SMCO4: variants seen among roughly 807,000 people sequenced by gnomAD.
SMCO4 encodes the protein single-pass membrane and coiled-coil domain-containing protein 4.
SMCO4 carries 4 observed loss-of-function variants against 3.6 expected under a neutral mutation model. The ratio of observed to expected loss-of-function variants is 1.11; its 90% CI spans 0.54 to 2.53. The LOEUF is 2.53. Ranked by LOEUF, SMCO4 falls within the 30% of genes most tolerant of loss-of-function variation. The probability of loss-of-function intolerance (pLI) is 0.02; values close to 1 mark genes in which losing one functional copy is unlikely to be tolerated. For synonymous variants in SMCO4, 36 were observed against 35.3 expected, an observed-to-expected ratio of 1.02 and a Z score of -0.07; for missense variants, 70 against 80.8, an observed-to-expected ratio of 0.87 and a Z score of 0.51.
At chr11:93,509,634 G>T (rs900756301) in intron 1 of SMCO4, among the ~76,000 whole-genome samples, 7 of 152,158 alleles carry the variant, frequency 4.6e-5, no homozygotes, top group African/African-American at 1.4e-4. Context: ...AGACTACTGC[G>T]TCATAATAAA....
intron 2 of SMCO4, among the ~76,000 whole-genome samples, chr11:93,492,968 G>T (rs1161123742): frequency 2.0e-5 from 3 of 152,164 alleles, no homozygotes; most frequent in African/African-American, 7.2e-5. Flanking sequence ...GTTCTCCAAG[G>T]TCTCCTAAGA....
intron 1 of SMCO4, among the ~76,000 whole-genome samples, chr11:93,512,599 A>T (rs966973084): frequency 2.6e-5 from 4 of 152,238 alleles, no homozygotes; most frequent in African/African-American, 7.2e-5. Context: ...ATTGTGTTAT[A>T]ACTGCCTACA....
chr11:93,522,623 G>A (rs970753177), intron 1 of SMCO4, among the ~76,000 whole-genome samples: 4 of 152,386 alleles, frequency 2.6e-5, no homozygotes, highest in Admixed American at 1.3e-4. Flanking sequence ...CTCCGCCATT[G>A]TAGAGCTTGC....
Position 93,509,540 on chromosome 11 carries a change from C to T in SMCO4, c.-153-10192G>A, listed in dbSNP as rs535074270. 5.3e-5 allele frequency among the ~76,000 whole-genome samples: 8 copies of T among 152,256 alleles called. No homozygotes were observed. The South Asian group carries it at 8.3e-4, about 16-fold the overall frequency. ...CATGCATGTTTACAGCAGCACAATT[C>T]GCATTTGTAAAAATATGGAACCAGC... On this transcript the variant is annotated intron_variant, in intron 1 of 2. Transcript: ENST00000298966.
upstream of SMCO4, among the ~76,000 whole-genome samples, chr11:93,545,423 C>T (rs111819733): frequency 3.3e-3 from 501 of 151,634 alleles, 4 homozygotes; most frequent in Middle Eastern, 0.014. Flanking sequence ...CCCGTCTCTA[C>T]TGAAAATACA....
chr11:93,521,248 A>G (rs1015990632), intron 1 of SMCO4, among the ~76,000 whole-genome samples: 2 of 152,334 alleles, frequency 1.3e-5, no homozygotes, highest in Admixed American at 1.3e-4. Context: ...CAAGATCAAT[A>G]ACCATCACAG....
chr11:93,514,374 CTATATATATATATATATATATATA>C (rs148462986), intron 1 of SMCO4, among the ~76,000 whole-genome samples: 18 of 39,096 alleles, frequency 4.6e-4, no homozygotes, highest in East Asian at 3.9e-3. Flanking sequence ...CAGGATGAGG[CTATATATATATATATATATATATA>C]TATATATATA....
chr11:93,494,286 T>C (rs370527664), intron 2 of SMCO4, among the ~76,000 whole-genome samples: 1 of 152,206 alleles, frequency 6.6e-6, no homozygotes, highest in Non-Finnish European at 1.5e-5. Flanking sequence ...TGTTTTAAAG[T>C]CTAGTTATCA....
chr11:93,483,336 G>C (rs75988917), intron 2 of SMCO4, among the ~76,000 whole-genome samples: 21,026 of 152,174 alleles, frequency 0.14, 1,963 homozygotes, highest in South Asian at 0.25. Flanking sequence ...GGGCTGCACC[G>C]GGCGGCCTCC....
chr11:93,507,043 G>A (rs1167774781), intron 1 of SMCO4, among the ~76,000 whole-genome samples: 1 of 152,160 alleles, frequency 6.6e-6, no homozygotes, highest in South Asian at 2.1e-4. Context: ...AATACAGTGA[G>A]CCTGTTATTT....
At chr11:93,491,011 G>A (rs1948708274) in intron 2 of SMCO4, among the ~76,000 whole-genome samples, 1 of 152,260 alleles carries the variant, frequency 6.6e-6, no homozygotes. Context: ...CAATGTGTGT[G>A]AAAATGCTCA....
chr11:93,526,131 T>C lies in SMCO4; in HGVS notation c.-154+17145A>G, dbSNP rs927268749. On this transcript the variant is annotated intron_variant, in intron 1 of 2. Transcript: ENST00000298966. Reference sequence around the variant, plus strand: ...TTCCCATAAAACAAGGGATTCTGCCTACTGTACCTTGATGTTCTACAAAGC... The same window carrying C: ...TTCCCATAAAACAAGGGATTCTGCCCACTGTACCTTGATGTTCTACAAAGC... Among the ~76,000 whole-genome samples the C allele has an allele frequency of 6.6e-5, 10 of 152,214 alleles. No homozygotes were observed. In the South Asian group the frequency reaches 1.0e-3, roughly 16 times the overall value.
At chr11:93,525,741 T>C (rs985177244) in intron 1 of SMCO4, among the ~76,000 whole-genome samples, 1 of 152,180 alleles carries the variant, frequency 6.6e-6, no homozygotes, top group Non-Finnish European at 1.5e-5. Flanking sequence ...CAATTCAAAA[T>C]AGATATCTGT....
intron 1 of SMCO4, among the ~76,000 whole-genome samples, chr11:93,502,034 G>C (rs566340092): frequency 6.6e-6 from 1 of 151,624 alleles, no homozygotes; most frequent in Non-Finnish European, 1.5e-5. Context: ...TGACCCAGGG[G>C]GCAAAGTACA....
At chr11:93,537,607 T>C (rs1344380353) in intron 1 of SMCO4, among the ~76,000 whole-genome samples, 1 of 151,784 alleles carries the variant, frequency 6.6e-6, no homozygotes, top group African/African-American at 2.4e-5. Context: ...AGGGCTTTGC[T>C]CAGGACATAA....
chr11:93,490,836 A>G (rs1302881645), intron 2 of SMCO4, among the ~76,000 whole-genome samples: 1 of 152,262 alleles, frequency 6.6e-6, no homozygotes. Flanking sequence ...GGAACGCTCT[A>G]TCTCCCGGAG....
chr11:93,492,957 T>C (rs1430065326), intron 2 of SMCO4, among the ~76,000 whole-genome samples: 2 of 152,298 alleles, frequency 1.3e-5, no homozygotes, highest in Non-Finnish European at 2.9e-5. Flanking sequence ...GGTGTGTCAA[T>C]GTTCTCCAAG....
At chr11:93,496,166 T>C (rs769060090) in intron 2 of SMCO4, among the ~76,000 whole-genome samples, 2 of 152,042 alleles carry the variant, frequency 1.3e-5, no homozygotes, top group Non-Finnish European at 2.9e-5. Flanking sequence ...ATGAGAGGAA[T>C]AGAAGAAAAG....
intron 2 of SMCO4, among the ~76,000 whole-genome samples, chr11:93,487,332 A>T (rs1343514532): frequency 1.3e-5 from 2 of 152,204 alleles, no homozygotes; most frequent in African/African-American, 4.8e-5. Flanking sequence ...CCCCAGGAAC[A>T]TATACATGAA....
Sources: gnomAD v4.1 joint callset for allele counts (sites outside exome capture counted in the v4.1 genomes callset) on GRCh38, gnomAD v4.1.1 for gene constraint, MANE v1.5 for transcripts, NCBI Gene and HGNC (gene_info 2026-07-23, HGNC 2026-07-21) for gene names.